Variants in C6orf163 observed in about 807,000 individuals in gnomAD.
The protein encoded by C6orf163 is chromosome 6 open reading frame 163.
C6orf163 carries 22 observed loss-of-function variants against 28.4 expected under a neutral mutation model. The ratio of observed to expected loss-of-function variants is 0.78; its 90% CI spans 0.55 to 1.11. The LOEUF is 1.11. Among genes scored for constraint, C6orf163 ranks in the 50% least tolerant of loss-of-function variants. The pLI is 0.00. For synonymous variants in C6orf163, 110 were observed against 123.6 expected (o/e 0.89, Z 0.73); for missense variants, 342 against 389.1 (o/e 0.88, Z 1.02).
At position 87,352,381 on chromosome 6, in the gene C6orf163, T is replaced by C. The variant is rs564459696; in HGVS notation, c.351+1880T>C. Among the ~76,000 whole-genome samples the C allele has an allele frequency of 3.9e-5, 6 of 152,184 alleles. No individual in the cohort carries two copies. In the East Asian group the frequency reaches 9.7e-4, roughly 25 times the overall value. On this transcript the variant is annotated intron_variant, in intron 3 of 4. Transcript: ENST00000388923. ...GCATCCCAAGTGATTCTCACACATA[T>C]TAAAGTTTGAGATTACCAATGTATA...
chr6:87,361,096 C>G (rs1777573976), intron 4 of C6orf163, among the ~76,000 whole-genome samples: 1 of 151,952 alleles, frequency 6.6e-6, no homozygotes. Flanking sequence ...TCCAGCCTGG[C>G]CAACATGGCA....
At chr6:87,348,400 G>A in intron 1 of C6orf163, 1 of 989,522 alleles carries the variant, frequency 1.0e-6, no homozygotes, top group Non-Finnish European at 1.2e-6. Context: ...TAATGTGAAG[G>A]CATTCCACTT....
intron 3 of C6orf163, among the ~76,000 whole-genome samples, chr6:87,355,541 A>G (rs1267764936): frequency 6.6e-6 from 1 of 152,306 alleles, no homozygotes; most frequent in African/African-American, 2.4e-5. Flanking sequence ...AGCCTGGGCA[A>G]CAGAATGAGA....
rs186939419 is a variant in C6orf163 at position 87,345,042 on chromosome 6, T to C, written c.-58T>C. On this transcript the variant is annotated 5_prime_UTR_variant, in exon 1 of 5. Transcript: ENST00000388923. The stretch of plus-strand genomic sequence containing the variant: ...ACTTTCAGCTTTTCTTGAAACGACT[T>C]TTTCTGATTCTAAGATTATTTTAAC... 7.6e-4 allele frequency: 1,079 copies of C among 1,416,056 alleles called. 1 individual carries two copies. The highest frequency in any genetic ancestry group is 3.7e-3 in the Middle Eastern group (20 of 5,416). 87.7% of individuals were successfully genotyped at this position (1,416,056 alleles called of 1,614,324 possible). A position where few individuals can be genotyped will look rare whatever the true frequency, so the allele number is the denominator to read the frequency against.
rs768216711 is a variant in C6orf163 at position 87,356,435 on chromosome 6, C to T, written c.486C>T (p.Val162=). The change falls in exon 4 of 5, where the codon GTC becomes GTT. Residue 162 remains valine (V), a synonymous_variant. Transcript: ENST00000388923. ...RIMMECHREK[V]EAVEKARAEE... The stretch of plus-strand genomic sequence containing the variant: ...TGATGGAATGCCACAGAGAGAAGGT[C>T]GAAGCTGTGGAGAAAGCCAGGGCTG... 151 of 1,551,574 alleles carry T rather than the reference C, an allele frequency of 9.7e-5. No homozygotes were observed. In the South Asian group the frequency reaches 1.1e-3, roughly 11 times the overall value.
intron 1 of C6orf163, among the ~76,000 whole-genome samples, 173 bp downstream of exon 1, chr6:87,345,420 T>C (rs1344134363): frequency 6.6e-6 from 1 of 152,236 alleles, no homozygotes; most frequent in Non-Finnish European, 1.5e-5. Context: ...GTTGTATGTA[T>C]TGGGCAGGGT....
rs1029410516 is a variant in C6orf163, at chr6:87,365,450, TTACTC to T, written c.*55_*59del. 20 of 1,233,602 alleles carry T rather than the reference TTACTC, an allele frequency of 1.6e-5. No homozygotes were observed. In the African/African-American group the frequency reaches 2.9e-4, roughly 18 times the overall value. 76.4% of individuals were successfully genotyped at this position (1,233,602 alleles called of 1,614,324 possible). On this transcript the variant is annotated 3_prime_UTR_variant, in exon 5 of 5. Transcript: ENST00000388923. ...AGACATCATTCCAGACTAAATAAAT[TTACTC>T]AAAAACCATGTATTGATTCCCCAGC...
chr6:87,362,751 G>A (rs928542308), intron 4 of C6orf163, among the ~76,000 whole-genome samples: 1 of 152,314 alleles, frequency 6.6e-6, no homozygotes, highest in Non-Finnish European at 1.5e-5. Flanking sequence ...GAAGATGAGA[G>A]AATTGCATCT....
At chr6:87,348,317 ACTT>A (rs1458051302) in intron 1 of C6orf163, 1 of 985,392 alleles carries the variant, frequency 1.0e-6, no homozygotes, top group Non-Finnish European at 1.2e-6. Flanking sequence ...AAAATAGTAA[ACTT>A]CTACCCCTTA....
At chr6:87,356,002 A>G (rs922057923) in intron 3 of C6orf163, 1 of 287,820 alleles carries the variant, frequency 3.5e-6, no homozygotes, top group Admixed American at 4.6e-5. Flanking sequence ...GAATATTTAG[A>G]CAATCAAGAA....
chr6:87,352,962 G>A (rs1777440240), intron 3 of C6orf163, among the ~76,000 whole-genome samples: 1 of 152,140 alleles, frequency 6.6e-6, no homozygotes, highest in African/African-American at 2.4e-5. Flanking sequence ...AAAACGTGGG[G>A]TGACTCACTC....
At chr6:87,353,454 A>G (rs1201255743) in intron 3 of C6orf163, among the ~76,000 whole-genome samples, 2 of 150,842 alleles carry the variant, frequency 1.3e-5, no homozygotes, top group Non-Finnish European at 3.0e-5. Context: ...AAAAAAAAAA[A>G]ACAAACACAA....
chr6:87,361,954 C>T (rs1777586419), intron 4 of C6orf163, among the ~76,000 whole-genome samples: 1 of 152,128 alleles, frequency 6.6e-6, no homozygotes, highest in Admixed American at 6.6e-5. Flanking sequence ...CTAGCTCACC[C>T]CACTAAGATT....
chr6:87,349,652 G>A (rs1227671525), intron 2 of C6orf163, among the ~76,000 whole-genome samples: 1 of 152,168 alleles, frequency 6.6e-6, no homozygotes, highest in East Asian at 1.9e-4. Flanking sequence ...AGACATTATA[G>A]CAAATAGTAT....
At chr6:87,364,274 C>T (rs1777616060) in intron 4 of C6orf163, among the ~76,000 whole-genome samples, 1 of 111,686 alleles carries the variant, frequency 9.0e-6, no homozygotes, top group Non-Finnish European at 2.1e-5. Flanking sequence ...GACGGCAAGA[C>T]ACTGTCTCAA....
intron 1 of C6orf163, chr6:87,348,226 A>G (rs1416216223): frequency 5.1e-6 from 5 of 984,228 alleles, no homozygotes; most frequent in East Asian, 1.1e-4. Flanking sequence ...GCCTCTCTAG[A>G]CTTTTATTAC....
At position 87,350,602 on chromosome 6, in the gene C6orf163, T is replaced by G. The variant is rs983987003; in HGVS notation, c.351+101T>G. The stretch of plus-strand genomic sequence containing the variant: ...AAAAAAATAATAAGGAAATCTAGAC[T>G]GGTGTTTCATGGCCATTAGCTGGGA... On this transcript the variant is annotated intron_variant, in intron 3 of 4. Coordinates refer to ENST00000388923, the MANE Select transcript of C6orf163 (RefSeq NM_001010868.3). 13 of 667,894 alleles carry G rather than the reference T, an allele frequency of 1.9e-5. 1 individual carries two copies. In the South Asian group the frequency reaches 2.5e-4, roughly 13 times the overall value. The allele number at this position is 667,894 out of a possible 1,614,324, so 41.4% of individuals were successfully genotyped here.
chr6:87,363,899 A>C (rs1203298544), intron 4 of C6orf163, among the ~76,000 whole-genome samples: 1 of 152,188 alleles, frequency 6.6e-6, no homozygotes, highest in Non-Finnish European at 1.5e-5. Context: ...GGTGTTCTCC[A>C]GGGGTTTTGT....
At position 87,345,003 on chromosome 6, in the gene C6orf163, TC is replaced by T; in HGVS notation, c.-95del. The T allele has an allele frequency of 9.9e-7, 1 of 1,005,262 alleles. No individual in the cohort carries two copies. Among genetic ancestry groups the T allele is most frequent in the Non-Finnish European group, 1.4e-6 (1 of 703,624 alleles). 62.3% of individuals were successfully genotyped at this position (1,005,262 alleles called of 1,614,324 possible). A position where few individuals can be genotyped will look rare whatever the true frequency, so the allele number is the denominator to read the frequency against. On this transcript the variant is annotated 5_prime_UTR_variant, in exon 1 of 5. Coordinates refer to ENST00000388923, the MANE Select transcript of C6orf163 (RefSeq NM_001010868.3). ...CATTATCCTAAAACCCTGAACCTCT[TC>T]CAGCTTTCTTAAACTTTCAGCTTTT...
Sources: allele counts gnomAD v4.1 joint callset (sites outside exome capture counted in the v4.1 genomes callset), GRCh38; gene constraint gnomAD v4.1.1; transcripts MANE v1.5; gene names NCBI Gene and HGNC (gene_info 2026-07-23, HGNC 2026-07-21).